HIF1A: variants seen among roughly 807,000 people sequenced by gnomAD.
HIF1A encodes the protein hypoxia-inducible factor 1-alpha.
Under a neutral mutation model 92.7 loss-of-function variants are expected in HIF1A, and 24 were observed. That is an observed-to-expected ratio of 0.26 (90% CI 0.19 to 0.36). The LOEUF is 0.36. Ranked by LOEUF, HIF1A falls within the 10% of genes least tolerant of loss-of-function variation. HIF1A has a pLI of 1.00. For missense variants in HIF1A, 799 were observed against 998.5 expected, an observed-to-expected ratio of 0.80 and a Z score of 2.69; for synonymous variants, 319 against 338.7, an observed-to-expected ratio of 0.94 and a Z score of 0.64.
intron 6 of HIF1A, among the ~76,000 whole-genome samples, chr14:61,729,352 C>T (rs925431389): frequency 6.6e-5 from 10 of 151,866 alleles, no homozygotes; most frequent in African/African-American, 2.4e-4. Context: ...ATCCCAGCTA[C>T]TTGGGAGGCT....
chr14:61,744,092 C>G (rs1166053111), intron 12 of HIF1A, among the ~76,000 whole-genome samples: 2 of 151,926 alleles, frequency 1.3e-5, no homozygotes, highest in Admixed American at 1.3e-4. Context: ...TTCAATAGTC[C>G]CAACAATATC....
intron 6 of HIF1A, among the ~76,000 whole-genome samples, chr14:61,728,672 T>C (rs568110055): frequency 2.3e-4 from 35 of 152,332 alleles, no homozygotes; most frequent in Middle Eastern, 3.4e-3. Flanking sequence ...TACATATATC[T>C]CTTGATCCAT....
chr14:61,711,699 C>T (rs2044310772), intron 1 of HIF1A, among the ~76,000 whole-genome samples: 2 of 152,068 alleles, frequency 1.3e-5, no homozygotes, highest in African/African-American at 4.8e-5. Flanking sequence ...CTGATGTTTA[C>T]CTTGTGGCTA....
chr14:61,732,636 T>C, intron 7 of HIF1A, 112 bp downstream of exon 7: 1 of 641,246 alleles, frequency 1.6e-6, no homozygotes, highest in East Asian at 2.6e-5. Flanking sequence ...CTAAATGTGT[T>C]AACAGGCCTA....
chr14:61,703,238 C>G (rs2044197562), intron 1 of HIF1A, among the ~76,000 whole-genome samples: 1 of 152,104 alleles, frequency 6.6e-6, no homozygotes, highest in Admixed American at 6.6e-5. Flanking sequence ...TGTTTATCTT[C>G]TAGAAAGTTT....
intron 12 of HIF1A, 28 bp downstream of exon 12, chr14:61,741,216 G>C (rs746429650): frequency 6.9e-7 from 1 of 1,446,790 alleles, no homozygotes; most frequent in Non-Finnish European, 9.4e-7. Context: ...TCAAGTTATA[G>C]TTCTTTTATT....
At chr14:61,734,110 G>A (rs1339515530) in intron 7 of HIF1A, 28 bp from the exon 8 acceptor site, 3 of 1,458,140 alleles carry the variant, frequency 2.1e-6, no homozygotes, top group Admixed American at 2.4e-5. Context: ...TATTTTCTCT[G>A]CATGATTCTT....
intron 8 of HIF1A, among the ~76,000 whole-genome samples, chr14:61,735,686 C>T (rs761922062): frequency 2.6e-4 from 40 of 152,290 alleles, no homozygotes; most frequent in Admixed American, 5.2e-4. Flanking sequence ...TTAAGCCAAA[C>T]GTGAAGATAA....
Position 61,732,460 on chromosome 14 carries a change from C to A in HIF1A, c.816C>A (p.Gly272=), listed in dbSNP as rs774951112. 1 of 1,611,486 alleles carries A rather than the reference C, an allele frequency of 6.2e-7. No individual in the cohort carries two copies. Among genetic ancestry groups the A allele is most frequent in the South Asian group, 1.1e-5 (1 of 91,004 alleles). ...GATATGAGCCAGAAGAACTTTTAGGCCGCTCAATTTATGAATATTATCATG... is the reference window on the plus strand; with the variant it reads ...GATATGAGCCAGAAGAACTTTTAGGACGCTCAATTTATGAATATTATCATG... The part of the protein sequence containing the change: ...LMGYEPEELL[G]RSIYEYYHAL... The change falls in exon 7 of 15, where the codon GGC becomes GGA. Residue 272 remains glycine (G), a synonymous_variant. Transcript: ENST00000337138.
chr14:61,732,512 A>T lies in HIF1A; in HGVS notation c.868A>T (p.Thr290Ser), dbSNP rs1566573158. 3.2e-6 allele frequency: 5 copies of T among 1,582,712 alleles called. No individual in the cohort carries two copies. The highest frequency in any genetic ancestry group is 3.5e-6 in the Non-Finnish European group (4 of 1,152,082). ...TTTGGACTCTGATCATCTGACCAAA[A>T]CTCATCATGATAGTAAGTACAATGG... ...HALDSDHLTK[T>S]HHDMFTKGQV... Residue 290 changes from threonine (T) to serine (S), a missense_variant, in exon 7 of 15, where the codon ACT becomes TCT. By Grantham distance (58) the Thr-to-Ser change is moderately conservative (BLOSUM62 1). Transcript: ENST00000337138.
intron 1 of HIF1A, among the ~76,000 whole-genome samples, chr14:61,703,059 C>G (rs905258218): frequency 6.6e-6 from 1 of 152,032 alleles, no homozygotes; most frequent in African/African-American, 2.4e-5. Flanking sequence ...GTCTGTTTTA[C>G]CATTACTGCC....
chr14:61,736,297 C>G (rs73314107), intron 8 of HIF1A, among the ~76,000 whole-genome samples: 5 of 152,124 alleles, frequency 3.3e-5, no homozygotes, highest in Non-Finnish European at 2.9e-5. Flanking sequence ...AAATTCTTAA[C>G]TGAAATTAGT....
At chr14:61,717,650 A>G (rs1163438016) in intron 1 of HIF1A, among the ~76,000 whole-genome samples, 1 of 152,194 alleles carries the variant, frequency 6.6e-6, no homozygotes, top group African/African-American at 2.4e-5. Flanking sequence ...CTCCTTAGAT[A>G]GTCATTGCTA....
intron 1 of HIF1A, among the ~76,000 whole-genome samples, chr14:61,702,013 G>T (rs553929576): frequency 2.6e-5 from 4 of 152,098 alleles, no homozygotes; most frequent in Admixed American, 2.6e-4. Flanking sequence ...GAAATCTGTG[G>T]TGTGAATACT....
In HIF1A at chr14:61,745,882, G is replaced by T; in HGVS notation, c.2329+65G>T. ...AAATACATGAAACATTTTTATTTAG[G>T]AGCTTTAATCTAAGTGAGAATGACT... On this transcript the variant is annotated intron_variant, in intron 14 of 14. Coordinates refer to ENST00000337138, the MANE Select transcript of HIF1A (RefSeq NM_001530.4). 2.2e-6 allele frequency: 3 copies of T among 1,388,348 alleles called. No individual in the cohort carries two copies. The South Asian group carries it at 3.7e-5, about 17-fold the overall frequency. 86.0% of individuals were successfully genotyped at this position (1,388,348 alleles called of 1,614,324 possible). A position where few individuals can be genotyped will look rare whatever the true frequency, so the allele number is the denominator to read the frequency against.
chr14:61,727,380 A>C (rs1221043843), intron 5 of HIF1A, 73 bp from the exon 6 acceptor site: 1 of 1,110,612 alleles, frequency 9.0e-7, no homozygotes, highest in African/African-American at 1.5e-5. Context: ...GTCAGACTCA[A>C]CTACTTATCT....
chr14:61,702,121 A>T (rs1477897970), intron 1 of HIF1A, among the ~76,000 whole-genome samples: 1 of 151,916 alleles, frequency 6.6e-6, no homozygotes, highest in East Asian at 1.9e-4. Flanking sequence ...GCAGGTTTTT[A>T]AAAGGTTTCT....
chr14:61,697,664 C>G (rs2044131801), intron 1 of HIF1A: 1 of 1,183,544 alleles, frequency 8.4e-7, no homozygotes, highest in South Asian at 3.7e-5. Context: ...ATTCATATTT[C>G]TTAGTATAGA....
intron 1 of HIF1A, among the ~76,000 whole-genome samples, chr14:61,715,085 A>G (rs1315310153): frequency 1.3e-5 from 2 of 152,228 alleles, no homozygotes; most frequent in African/African-American, 4.8e-5. Flanking sequence ...TTGAGCAAGT[A>G]AAACACCAAC....
Sources: allele counts gnomAD v4.1 joint callset (sites outside exome capture counted in the v4.1 genomes callset), GRCh38; gene constraint gnomAD v4.1.1; transcripts MANE v1.5; gene names NCBI Gene and HGNC (gene_info 2026-07-23, HGNC 2026-07-21).